The following CFAP77 variants were observed in gnomAD, a reference collection of about 807,000 sequenced individuals.
CFAP77 encodes cilia and flagella associated protein 77, also known as cilia- and flagella-associated protein 77.
CFAP77 carries 25 observed loss-of-function variants against 31.1 expected under a neutral mutation model. The observed-to-expected ratio is 0.80, with a 90% CI of 0.59 to 1.12. CFAP77 has a LOEUF of 1.12. Ranked by LOEUF, CFAP77 falls within the 50% of genes most tolerant of loss-of-function variation. The probability of loss-of-function intolerance (pLI) is 0.00; values close to 1 mark genes in which losing one functional copy is unlikely to be tolerated. For missense variants in CFAP77, 377 were observed against 397.3 expected, an observed-to-expected ratio of 0.95 and a Z score of 0.44; for synonymous variants, 151 against 159.9, an observed-to-expected ratio of 0.94 and a Z score of 0.42.
intron 3 of CFAP77, among the ~76,000 whole-genome samples, chr9:132,530,568 C>A (rs1852425930): frequency 6.6e-6 from 1 of 152,196 alleles, no homozygotes; most frequent in Non-Finnish European, 1.5e-5. Flanking sequence ...AGCCATCATG[C>A]CTGGCCATCA....
intron 1 of CFAP77, among the ~76,000 whole-genome samples, chr9:132,492,318 AAAC>A (rs756852186): frequency 3.9e-5 from 6 of 152,092 alleles, no homozygotes; most frequent in Non-Finnish European, 5.9e-5. Context: ...ACAAAAAACA[AAAC>A]AACAACAACA....
At chr9:132,547,805 C>T (rs376559403) in intron 5 of CFAP77, among the ~76,000 whole-genome samples, 6 of 152,192 alleles carry the variant, frequency 3.9e-5, no homozygotes, top group Non-Finnish European at 8.8e-5. Context: ...CATAACCCTG[C>T]GTGGGCCGGC....
At chr9:132,487,643 GTTTT>G (rs74783489) in intron 1 of CFAP77, among the ~76,000 whole-genome samples, 2 of 126,730 alleles carry the variant, frequency 1.6e-5, no homozygotes, top group African/African-American at 5.9e-5. Flanking sequence ...TCCGGCTGTG[GTTTT>G]TTTTTTTTTT....
At chr9:132,491,516 G>A (rs560262628) in intron 1 of CFAP77, among the ~76,000 whole-genome samples, 17 of 152,274 alleles carry the variant, frequency 1.1e-4, no homozygotes, top group African/African-American at 4.1e-4. Flanking sequence ...GCACGACTGT[G>A]GACAAAGTGT....
At chr9:132,430,082 G>A (rs1357495337) in intron 1 of CFAP77, among the ~76,000 whole-genome samples, 2 of 151,992 alleles carry the variant, frequency 1.3e-5, no homozygotes, top group Non-Finnish European at 2.9e-5. Flanking sequence ...CCCTGGCTCC[G>A]TGGCCTTCAT....
At chr9:132,505,408 C>T (rs17149200) in intron 3 of CFAP77, among the ~76,000 whole-genome samples, 2 of 151,994 alleles carry the variant, frequency 1.3e-5, no homozygotes, top group African/African-American at 2.4e-5. Flanking sequence ...GTCACTAAAT[C>T]GGAAGGGTGC....
chr9:132,487,966 C>G (rs754528536), intron 1 of CFAP77, among the ~76,000 whole-genome samples: 2 of 152,234 alleles, frequency 1.3e-5, no homozygotes, highest in African/African-American at 2.4e-5. Flanking sequence ...TGAACTACCC[C>G]CCCATGAGCA....
intron 1 of CFAP77, among the ~76,000 whole-genome samples, chr9:132,462,326 T>G (rs554251249): frequency 6.6e-6 from 1 of 152,352 alleles, no homozygotes; most frequent in African/African-American, 2.4e-5. Context: ...TTTGCTTGTT[T>G]TGTTTTTCCA....
intron 5 of CFAP77, among the ~76,000 whole-genome samples, chr9:132,559,572 G>A (rs562629959): frequency 4.0e-4 from 61 of 152,180 alleles, no homozygotes; most frequent in African/African-American, 1.3e-3. Flanking sequence ...ACACCCATAC[G>A]TGCTGGTGGG....
intron 1 of CFAP77, among the ~76,000 whole-genome samples, chr9:132,489,419 A>T (rs1851617342): frequency 6.6e-6 from 1 of 152,150 alleles, no homozygotes; most frequent in South Asian, 2.1e-4. Context: ...GTTTAACCCC[A>T]GCTTTTCTAT....
chr9:132,456,849 C>T (rs1226066414), intron 1 of CFAP77, among the ~76,000 whole-genome samples: 1 of 152,026 alleles, frequency 6.6e-6, no homozygotes, highest in Non-Finnish European at 1.5e-5. Context: ...CTCCTGGGCT[C>T]AAGCGATTCT....
In CFAP77 at chr9:132,424,969, C is replaced by T. The variant is rs1347457511; in HGVS notation, c.195+14503C>T. Among the ~76,000 whole-genome samples the T allele has an allele frequency of 2.0e-5, 3 of 152,202 alleles. No homozygotes were observed. The highest frequency in any genetic ancestry group is 4.4e-5 in the Non-Finnish European group (3 of 68,042). ...TGAAAAGCACAGTCCCGCTCACCCTCGCAGTTAGTTAGCATTTAGATAGAC... is the reference window on the plus strand; with the variant it reads ...TGAAAAGCACAGTCCCGCTCACCCTTGCAGTTAGTTAGCATTTAGATAGAC... On this transcript the variant is annotated intron_variant, in intron 1 of 5. Transcript: ENST00000393216. The surrounding 1 kb of genome is among the most constrained non-coding windows in gnomAD (Gnocchi z 4.1).
intron 5 of CFAP77, among the ~76,000 whole-genome samples, chr9:132,555,754 C>G (rs183973054): frequency 1.3e-5 from 2 of 152,140 alleles, no homozygotes; most frequent in Non-Finnish European, 2.9e-5. Flanking sequence ...ACACACCCCC[C>G]AGCCCTGTGT....
chr9:132,521,778 T>TTTTGGTTTG (rs1554747338), intron 3 of CFAP77, among the ~76,000 whole-genome samples: 1 of 106,118 alleles, frequency 9.4e-6, no homozygotes, highest in South Asian at 3.7e-4. Flanking sequence ...TTTTTTTTTT[T>TTTTGGTTTG]TTTTTTGAGA....
intron 3 of CFAP77, among the ~76,000 whole-genome samples, chr9:132,500,730 C>G (rs1851827496): frequency 6.6e-6 from 1 of 152,250 alleles, no homozygotes; most frequent in Non-Finnish European, 1.5e-5. Flanking sequence ...GGTGGCCCCA[C>G]TGTCACCACA....
intron 5 of CFAP77, among the ~76,000 whole-genome samples, chr9:132,551,133 A>G (rs890094191): frequency 3.1e-4 from 44 of 143,194 alleles, no homozygotes; most frequent in African/African-American, 1.2e-3. Flanking sequence ...AGAAAAAAGA[A>G]AAAAAAATGT....
chr9:132,417,518 G>C (rs908208047), intron 1 of CFAP77, among the ~76,000 whole-genome samples: 2 of 152,236 alleles, frequency 1.3e-5, no homozygotes, highest in African/African-American at 4.8e-5. Flanking sequence ...CAGCAGTGTG[G>C]TATAGATGCC....
Position 132,542,408 on chromosome 9 carries a change from C to G in CFAP77, c.631-538C>G, listed in dbSNP as rs115639280. ...TGTCAGTGGGCACAGGCACGCAGGTCAGGAGCAGAGGGGCTTCCACTGTGT... is the reference window on the plus strand; with the variant it reads ...TGTCAGTGGGCACAGGCACGCAGGTGAGGAGCAGAGGGGCTTCCACTGTGT... On this transcript the variant is annotated intron_variant, in intron 4 of 5. Coordinates refer to ENST00000393216, the MANE Select transcript of CFAP77 (RefSeq NM_001282957.2). Among the ~76,000 whole-genome samples, 1,434 of 152,330 alleles carry G rather than the reference C, an allele frequency of 9.4e-3. 21 individuals carry two copies. The highest frequency in any genetic ancestry group is 0.032 in the African/African-American group (1,346 of 41,554).
At chr9:132,525,403 TA>T (rs151119097) in intron 3 of CFAP77, among the ~76,000 whole-genome samples, 29 of 152,238 alleles carry the variant, frequency 1.9e-4, no homozygotes, top group South Asian at 1.0e-3. Flanking sequence ...TGATTGCATT[TA>T]AAAAAAATTT....
Sources: allele counts gnomAD v4.1 joint callset (sites outside exome capture counted in the v4.1 genomes callset), GRCh38; gene constraint gnomAD v4.1.1; non-coding constraint Gnocchi (gnomAD v3.1); transcripts MANE v1.5; gene names NCBI Gene and HGNC (gene_info 2026-07-23, HGNC 2026-07-21).